The following UGT2B4 variants were observed in gnomAD, a reference collection of about 807,000 sequenced individuals.
UGT2B4 encodes UDP-glucuronosyltransferase 2B4.
Under a neutral mutation model 49.8 loss-of-function variants are expected in UGT2B4, and 49 were observed. That is an observed-to-expected ratio of 0.98 (90% confidence interval 0.78 to 1.25). The LOEUF is 1.25. Among genes scored for constraint, UGT2B4 ranks in the 50% most tolerant of loss-of-function variants. The pLI is 0.00. For synonymous variants in UGT2B4, 246 were observed against 217.7 expected (o/e 1.13, Z -1.14); for missense variants, 729 against 627.7 (o/e 1.16, Z -1.73).
chr4:69,487,366 C>T (rs1194815888), intron 3 of UGT2B4, among the ~76,000 whole-genome samples: 1 of 151,948 alleles, frequency 6.6e-6, no homozygotes, highest in Non-Finnish European at 1.5e-5. Flanking sequence ...ATGATGGATT[C>T]AATAAAGAAA....
chr4:69,495,531 G>A lies in UGT2B4; in HGVS notation c.331C>T (p.Gln111Ter). The A allele has an allele frequency of 1.2e-6, 2 of 1,612,994 alleles. No individual in the cohort carries two copies. The highest frequency in any genetic ancestry group is 1.7e-6 in the Non-Finnish European group (2 of 1,179,416). Residue 111 changes from glutamine to a stop codon, truncating the protein, a stop_gained, in exon 1 of 6, where the codon CAA becomes TAA. Transcript: ENST00000305107. LOFTEE classifies it high-confidence loss of function. ...PKDTFWSYFS[Q>*]VQEIMWTFND... ...AATGTCCACATGATTTCTTGTACTT[G>A]TGAAAAATATGACCAAAATGTGTCT...
intron 4 of UGT2B4, among the ~76,000 whole-genome samples, chr4:69,486,147 T>C (rs1045750100): frequency 6.6e-6 from 1 of 152,028 alleles, no homozygotes; most frequent in South Asian, 2.1e-4. Context: ...GGTGCTAGAA[T>C]TGAGGAAAGA....
chr4:69,503,997 C>CA (rs1399390299), intron 1 of UGT2B4, among the ~76,000 whole-genome samples: 1 of 152,192 alleles, frequency 6.6e-6, no homozygotes, highest in Non-Finnish European at 1.5e-5. Context: ...CTTCCAGAAA[C>CA]AAAGCCAATT....
intron 2 of UGT2B4, among the ~76,000 whole-genome samples, chr4:69,492,103 T>C (rs1399875776): frequency 1.3e-5 from 2 of 152,098 alleles, no homozygotes; most frequent in Non-Finnish European, 2.9e-5. Context: ...TATTGTAAAC[T>C]GAGGGCACGA....
In UGT2B4 at chr4:69,485,424, T is replaced by G; in HGVS notation, c.1094A>C (p.His365Pro). Residue 365 changes from histidine to proline, a missense_variant, in exon 5 of 6, where the codon CAC (histidine) becomes CCC (proline). Coordinates refer to ENST00000305107, the MANE Select transcript of UGT2B4 (RefSeq NM_021139.3). ...AGTTATAAAAGCTCTGGTTTTTGGG[T>G]GACCTAGGATTGGATGAATTTTAGC... ...KWIPQNDLLG[H>P]PKTRAFITHG... is the part of the protein sequence containing the mutation. 5.6e-6 allele frequency: 9 copies of G among 1,613,566 alleles called. No individual in the cohort carries two copies. Among genetic ancestry groups the G allele is most frequent in the Non-Finnish European group, 7.6e-6 (9 of 1,179,698 alleles).
At position 69,493,720 on chromosome 4, in the gene UGT2B4, G is replaced by A. The variant is rs763963351; in HGVS notation, c.843C>T (p.His281=). Residue 281 remains histidine, a synonymous_variant, in exon 2 of 6, where the codon CAC becomes CAT. Coordinates refer to ENST00000305107, the MANE Select transcript of UGT2B4 (RefSeq NM_021139.3). ...LPNVEFVGGL[H]CKPAKPLPKE... is the part of the protein sequence containing the mutation. ...TCGGTAGGGGTTTGGCAGGTTTGCA[G>A]TGGAGTCCTCCAACGAACTCAACAT... is the stretch of plus-strand genomic sequence containing the variant. 1.2e-6 allele frequency: 2 copies of A among 1,609,498 alleles called. No individual in the cohort carries two copies. The highest frequency in any genetic ancestry group is 2.7e-5 in the African/African-American group (2 of 74,608).
chr4:69,504,610 C>T (rs929795611), intron 1 of UGT2B4, among the ~76,000 whole-genome samples: 1 of 151,994 alleles, frequency 6.6e-6, no homozygotes, highest in Non-Finnish European at 1.5e-5. Flanking sequence ...TGTAAAGAGA[C>T]TAAATCTACA....
intron 1 of UGT2B4, among the ~76,000 whole-genome samples, chr4:69,516,912 T>A (rs1577904163): frequency 1.3e-5 from 2 of 152,052 alleles, no homozygotes; most frequent in East Asian, 3.9e-4. Flanking sequence ...TTTTGTTGGC[T>A]GCATGTATGT....
intron 1 of UGT2B4, among the ~76,000 whole-genome samples, chr4:69,501,651 G>A (rs1473694893): frequency 2.6e-5 from 4 of 152,028 alleles, no homozygotes; most frequent in East Asian, 3.9e-4. Context: ...TTTGGGTACC[G>A]CCACTGGTGT....
At chr4:69,520,335 T>C (rs973818248) in intron 1 of UGT2B4, among the ~76,000 whole-genome samples, 6 of 152,166 alleles carry the variant, frequency 3.9e-5, no homozygotes, top group Admixed American at 2.6e-4. Flanking sequence ...ACTGCTGGAG[T>C]TGGGAAGTAC....
upstream of UGT2B4, among the ~76,000 whole-genome samples, chr4:69,499,103 C>T (rs745630023): frequency 3.3e-5 from 5 of 152,110 alleles, no homozygotes; most frequent in Non-Finnish European, 5.9e-5. Context: ...TTGATTTCTG[C>T]CTTAATTTCA....
intron 1 of UGT2B4, among the ~76,000 whole-genome samples, chr4:69,503,888 C>T (rs1728404269): frequency 6.6e-6 from 1 of 152,156 alleles, no homozygotes; most frequent in African/African-American, 2.4e-5. Context: ...GACTCAAAAC[C>T]TTGAGGAGCC....
At chr4:69,497,661 A>T (rs116059285), upstream of UGT2B4, among the ~76,000 whole-genome samples, 653 of 152,376 alleles carry the variant, frequency 4.3e-3, 6 homozygotes, top group African/African-American at 0.014. Context: ...CTTATGGAAG[A>T]GAAAAGAAAG....
upstream of UGT2B4, chr4:69,495,916 A>G (rs531201777): frequency 5.9e-6 from 9 of 1,534,982 alleles, no homozygotes; most frequent in Admixed American, 6.5e-5. Flanking sequence ...GTCATTTCTC[A>G]TGGTGACATC....
intron 1 of UGT2B4, among the ~76,000 whole-genome samples, chr4:69,509,247 C>T (rs1728550478): frequency 6.8e-6 from 1 of 146,250 alleles, no homozygotes; most frequent in South Asian, 2.2e-4. Flanking sequence ...TCTCGGCTCA[C>T]TGCAACCTCC....
chr4:69,521,650 G>A (rs1352355704), intron 1 of UGT2B4, among the ~76,000 whole-genome samples: 3 of 152,194 alleles, frequency 2.0e-5, no homozygotes, highest in South Asian at 4.1e-4. Context: ...GGTAGCAAGA[G>A]CCAAGCGCAG....
At chr4:69,500,367 C>A (rs1178427337), upstream of UGT2B4, among the ~76,000 whole-genome samples, 2 of 151,798 alleles carry the variant, frequency 1.3e-5, no homozygotes, top group African/African-American at 4.8e-5. Context: ...CAAACCTGCA[C>A]ATCCTGGACA....
At chr4:69,490,751 A>G (rs1204874074) in intron 2 of UGT2B4, among the ~76,000 whole-genome samples, 2 of 152,182 alleles carry the variant, frequency 1.3e-5, no homozygotes, top group South Asian at 2.1e-4. Flanking sequence ...TAATGATGTT[A>G]GAGTCATTGT....
At chr4:69,504,344 G>A (rs529201758) in intron 1 of UGT2B4, among the ~76,000 whole-genome samples, 11 of 152,078 alleles carry the variant, frequency 7.2e-5, no homozygotes, top group Non-Finnish European at 1.3e-4. Flanking sequence ...AATTATCATA[G>A]GAGCAAAATA....
Sources: allele counts gnomAD v4.1 joint callset (sites outside exome capture counted in the v4.1 genomes callset), GRCh38; gene constraint gnomAD v4.1.1; transcripts MANE v1.5; gene names NCBI Gene and HGNC (gene_info 2026-07-23, HGNC 2026-07-21).